BCKDHB: variants seen among roughly 807,000 people sequenced by gnomAD.
BCKDHB encodes branched chain keto acid dehydrogenase E1 subunit beta, also known as 2-oxoisovalerate dehydrogenase subunit beta, mitochondrial.
Under a neutral mutation model 48.5 loss-of-function variants are expected in BCKDHB, and 41 were observed. The ratio of observed to expected loss-of-function variants is 0.85; its 90% CI spans 0.66 to 1.10. BCKDHB has a LOEUF of 1.10. BCKDHB is among the 50% of genes least tolerant of loss of function. The pLI is 0.00. For synonymous variants in BCKDHB, 201 were observed against 174.8 expected (o/e 1.15, Z -1.18); for missense variants, 496 against 494.2 (o/e 1.00, Z -0.03).
chr6:80,121,173 A>C (rs967452436), intron 1 of BCKDHB, among the ~76,000 whole-genome samples: 8 of 152,170 alleles, frequency 5.3e-5, no homozygotes, highest in African/African-American at 9.7e-5. Flanking sequence ...AGATGGTTGT[A>C]GATTTGTGGC....
intron 6 of BCKDHB, among the ~76,000 whole-genome samples, chr6:80,173,810 T>G (rs949643207): frequency 1.3e-5 from 2 of 151,850 alleles, no homozygotes; most frequent in East Asian, 1.9e-4. Flanking sequence ...TCCTTTTTTT[T>G]TTTTTTTGGA....
chr6:80,405,359 C>G, the BCKDHB span, among the ~76,000 whole-genome samples: 1 of 152,058 alleles, frequency 6.6e-6, no homozygotes, highest in Non-Finnish European at 1.5e-5. Context: ...CACCCCTGCT[C>G]TCTTTTGGTT....
intron 3 of BCKDHB, among the ~76,000 whole-genome samples, chr6:80,147,959 A>G (rs1771570453): frequency 6.6e-6 from 1 of 152,130 alleles, no homozygotes; most frequent in African/African-American, 2.4e-5. Context: ...GAGGGGTTAC[A>G]CATTGAATGA....
At chr6:80,326,978 C>A (rs954370763) in intron 9 of BCKDHB, among the ~76,000 whole-genome samples, 5 of 152,138 alleles carry the variant, frequency 3.3e-5, no homozygotes, top group Admixed American at 2.0e-4. Flanking sequence ...AGCCTTTCTA[C>A]CTTCTCATAT....
At chr6:80,319,764 T>C (rs1419161623) in intron 9 of BCKDHB, among the ~76,000 whole-genome samples, 1 of 152,234 alleles carries the variant, frequency 6.6e-6, no homozygotes, top group African/African-American at 2.4e-5. Context: ...TTTGTAAATC[T>C]AAAAGGAACT....
At chr6:80,356,952 GCC>G in the BCKDHB span, 1 of 90,320 alleles carries the variant, frequency 1.1e-5, no homozygotes, top group Non-Finnish European at 2.1e-5. Flanking sequence ...CCCCGCCCCC[GCC>G]CCCCCCCCAC....
the BCKDHB span, among the ~76,000 whole-genome samples, chr6:80,375,585 G>T: frequency 6.6e-6 from 1 of 150,726 alleles, no homozygotes. Flanking sequence ...CATTAAGTTG[G>T]ACTTACCTTT....
At chr6:80,152,536 C>T (rs1283683876) in intron 3 of BCKDHB, among the ~76,000 whole-genome samples, 1 of 152,152 alleles carries the variant, frequency 6.6e-6, no homozygotes, top group Non-Finnish European at 1.5e-5. Flanking sequence ...TATTCCCTGA[C>T]ACCCAAACAT....
At chr6:80,426,031 G>C in the BCKDHB span, among the ~76,000 whole-genome samples, 2 of 152,174 alleles carry the variant, frequency 1.3e-5, no homozygotes, top group African/African-American at 4.8e-5. Flanking sequence ...ATACTTAGCA[G>C]AGTAGTGTTC....
At chr6:80,185,892 G>T (rs144538928) in intron 6 of BCKDHB, among the ~76,000 whole-genome samples, 1 of 152,242 alleles carries the variant, frequency 6.6e-6, no homozygotes, top group African/African-American at 2.4e-5. Flanking sequence ...TGGTTTTTTC[G>T]AATGCTGGTT....
At chr6:80,414,482 A>T in the BCKDHB span, among the ~76,000 whole-genome samples, 3 of 152,086 alleles carry the variant, frequency 2.0e-5, no homozygotes, top group Admixed American at 1.3e-4. Context: ...TAAGGAAGAG[A>T]TCCAGTTTTA....
chr6:80,414,013 T>A, the BCKDHB span, among the ~76,000 whole-genome samples: 1 of 152,200 alleles, frequency 6.6e-6, no homozygotes, highest in African/African-American at 2.4e-5. Context: ...TGAGATGGTA[T>A]CTCGTTGTAG....
chr6:80,152,120 G>A (rs1771814496), intron 3 of BCKDHB, among the ~76,000 whole-genome samples: 1 of 151,816 alleles, frequency 6.6e-6, no homozygotes, highest in African/African-American at 2.4e-5. Context: ...TTCAAGCACT[G>A]TGGAGTCGTT....
chr6:80,289,136 T>C (rs1399849232), intron 9 of BCKDHB, among the ~76,000 whole-genome samples: 1 of 152,180 alleles, frequency 6.6e-6, no homozygotes, highest in Admixed American at 6.5e-5. Flanking sequence ...TCCTTGCTTT[T>C]TGTGAGGAAA....
intron 3 of BCKDHB, 69 bp downstream of exon 3, chr6:80,129,298 A>G: frequency 7.3e-7 from 1 of 1,363,988 alleles, no homozygotes; most frequent in Non-Finnish European, 1.0e-6. Context: ...AATACAAAAT[A>G]TGCCTACTAA....
chr6:80,286,814 T>C (rs1014325929), intron 9 of BCKDHB, among the ~76,000 whole-genome samples: 7 of 152,180 alleles, frequency 4.6e-5, no homozygotes, highest in African/African-American at 1.7e-4. Flanking sequence ...GTTTATTTTT[T>C]TGTGTCACAG....
chr6:80,248,140 A>G (rs1022985192), intron 8 of BCKDHB, among the ~76,000 whole-genome samples: 13 of 152,190 alleles, frequency 8.5e-5, no homozygotes, highest in African/African-American at 3.1e-4. Context: ...TCTCTTTTCA[A>G]TGCTTTGGGA....
intron 6 of BCKDHB, among the ~76,000 whole-genome samples, chr6:80,181,723 A>G (rs968442533): frequency 1.3e-5 from 2 of 152,186 alleles, no homozygotes; most frequent in East Asian, 1.9e-4. Context: ...GAGTTGACAT[A>G]CTGTCACTTC....
chr6:80,349,973 A>G (rs932502170), downstream of BCKDHB, among the ~76,000 whole-genome samples: 1 of 152,142 alleles, frequency 6.6e-6, no homozygotes, highest in Non-Finnish European at 1.5e-5. Flanking sequence ...AAACTATATC[A>G]CCTTTTAAAG....
Sources: gnomAD v4.1 joint callset for allele counts (sites outside exome capture counted in the v4.1 genomes callset) on GRCh38, gnomAD v4.1.1 for gene constraint, MANE v1.5 for transcripts, NCBI Gene and HGNC (gene_info 2026-07-23, HGNC 2026-07-21) for gene names.